The following DIS3L2 variants were observed in gnomAD, a reference collection of about 807,000 sequenced individuals.
DIS3L2 encodes the protein DIS3 like 3'-5' exoribonuclease 2, also known as DIS3-like exonuclease 2.
DIS3L2 carries 34 observed loss-of-function variants against 97.5 expected under a neutral mutation model. The observed-to-expected ratio is 0.35, with a 90% CI of 0.27 to 0.46. The LOEUF (loss-of-function observed/expected upper bound fraction) is 0.46, where lower values mean the gene tolerates loss of function less well. Among genes scored for constraint, DIS3L2 ranks in the 20% least tolerant of loss-of-function variants. The pLI is 1.00. For missense variants in DIS3L2, 1,038 were observed against 1,146.0 expected, an observed-to-expected ratio of 0.91 and a Z score of 1.36; for synonymous variants, 435 against 445.2, an observed-to-expected ratio of 0.98 and a Z score of 0.29.
intron 5 of DIS3L2, among the ~76,000 whole-genome samples, chr2:232,038,888 A>G (rs1559562999): frequency 6.6e-6 from 1 of 152,186 alleles, no homozygotes; most frequent in Non-Finnish European, 1.5e-5. Context: ...GTTTCTCCCT[A>G]GAGGCCTAAT....
chr2:232,138,542 A>T (rs1016655683), intron 8 of DIS3L2, among the ~76,000 whole-genome samples: 2 of 152,092 alleles, frequency 1.3e-5, no homozygotes, highest in Non-Finnish European at 2.9e-5. Flanking sequence ...CGTCTGTTGT[A>T]TGAGGGGTGA....
intron 6 of DIS3L2, among the ~76,000 whole-genome samples, chr2:232,091,015 C>T (rs1385271682): frequency 6.6e-6 from 1 of 152,146 alleles, no homozygotes; most frequent in African/African-American, 2.4e-5. Context: ...TCTGCATTAT[C>T]CCCAGCCCCT....
chr2:232,208,300 T>G (rs1213014187), intron 9 of DIS3L2, among the ~76,000 whole-genome samples: 1 of 151,442 alleles, frequency 6.6e-6, no homozygotes, highest in East Asian at 1.9e-4. Context: ...TCCCCTCTCC[T>G]CCCCCCACCC....
intron 6 of DIS3L2, among the ~76,000 whole-genome samples, chr2:232,121,620 T>C (rs1281034153): frequency 6.6e-6 from 1 of 152,192 alleles, no homozygotes; most frequent in Non-Finnish European, 1.5e-5. Flanking sequence ...CAATCTATAG[T>C]GGTGGCTCAC....
intron 3 of DIS3L2, among the ~76,000 whole-genome samples, chr2:232,021,042 C>G (rs1694496785): frequency 6.6e-6 from 1 of 152,082 alleles, no homozygotes; most frequent in Admixed American, 6.6e-5. Context: ...TTTAAGGACT[C>G]TCAAACAAGC....
chr2:232,133,984 T>C, intron 7 of DIS3L2, among the ~76,000 whole-genome samples: 1 of 4,830 alleles, frequency 2.1e-4, no homozygotes, highest in Non-Finnish European at 3.3e-4. Flanking sequence ...CAAGACTCTG[T>C]CTCAAAAAAA....
chr2:232,186,278 A>C (rs545568919), intron 9 of DIS3L2, among the ~76,000 whole-genome samples: 24 of 152,328 alleles, frequency 1.6e-4, no homozygotes, highest in African/African-American at 5.8e-4. Context: ...GAACATACAA[A>C]TGGTTTTTCA....
intron 5 of DIS3L2, among the ~76,000 whole-genome samples, chr2:232,085,276 T>C (rs1696539533): frequency 6.6e-6 from 1 of 152,194 alleles, no homozygotes; most frequent in Non-Finnish European, 1.5e-5. Context: ...ATTGCGCTTC[T>C]CACTAGTCGA....
Position 232,207,929 on chromosome 2 carries a change from T to C in DIS3L2, c.1125-2397T>C, listed in dbSNP as rs562137725. On this transcript the variant is annotated intron_variant, in intron 9 of 20. Coordinates refer to ENST00000325385, the MANE Select transcript of DIS3L2 (RefSeq NM_152383.5). ...ATTTTTTCCATTTACAAAAGTAATA[T>C]TCAATTGCAGTGAAAAATTTTAAAA... 7.2e-5 allele frequency among the ~76,000 whole-genome samples: 11 copies of C among 152,328 alleles called. No homozygotes were observed. In the South Asian group the frequency reaches 2.3e-3, roughly 32 times the overall value.
At chr2:232,221,923 TC>T (rs142325321) in intron 10 of DIS3L2, among the ~76,000 whole-genome samples, 10,696 of 152,186 alleles carry the variant, frequency 0.07, 461 homozygotes, top group Middle Eastern at 0.16. Context: ...ATGTTCCTCT[TC>T]CATGCGAAGT....
intron 9 of DIS3L2, among the ~76,000 whole-genome samples, chr2:232,191,976 G>C (rs371590054): frequency 6.6e-6 from 1 of 152,068 alleles, no homozygotes; most frequent in Non-Finnish European, 1.5e-5. Context: ...GGCACTCACC[G>C]AACATCCCTC....
Position 232,336,642 on chromosome 2 carries a change from C to A in DIS3L2, c.*12C>A. ...CAAGCACCAGCTGAGCTCCACCAGCCGCCTGCCCCGCCTGCCCCGCCTGCC... is the reference window on the plus strand; with the variant it reads ...CAAGCACCAGCTGAGCTCCACCAGCAGCCTGCCCCGCCTGCCCCGCCTGCC... On this transcript the variant is annotated 3_prime_UTR_variant, in exon 21 of 21. Coordinates refer to ENST00000325385, the MANE Select transcript of DIS3L2 (RefSeq NM_152383.5). 1 of 1,495,334 alleles carries A rather than the reference C, an allele frequency of 6.7e-7. No homozygotes were observed. The highest frequency in any genetic ancestry group is 1.3e-5 in the South Asian group (1 of 78,754). The allele number at this position is 1,495,334 out of a possible 1,614,324, so 92.6% of individuals were successfully genotyped here. A position where few individuals can be genotyped will look rare whatever the true frequency, so the allele number is the denominator to read the frequency against.
At chr2:232,176,326 A>G (rs549226623) in intron 9 of DIS3L2, among the ~76,000 whole-genome samples, 1 of 152,204 alleles carries the variant, frequency 6.6e-6, no homozygotes, top group Admixed American at 6.5e-5. Flanking sequence ...TTAGTTTAGT[A>G]ATTTGAATCT....
At position 232,276,645 on chromosome 2, in the gene DIS3L2, CTGTT is replaced by C. The variant is rs1053423087; in HGVS notation, c.1659+13207_1659+13210del. Among the ~76,000 whole-genome samples, 41 of 152,200 alleles carry C rather than the reference CTGTT, an allele frequency of 2.7e-4. No individual in the cohort carries two copies. Among genetic ancestry groups the C allele is most frequent in the African/African-American group, 9.4e-4 (39 of 41,450 alleles). ...GTTGCTACCAGCTTCCAGTCAATGA[CTGTT>C]TATTTGAACATCTCCTGCGCAACAA... On this transcript the variant is annotated intron_variant, in intron 13 of 20. Transcript: ENST00000325385. The surrounding 1 kb of genome is among the most constrained non-coding windows in gnomAD (Gnocchi z 4.4).
chr2:232,042,773 G>A (rs543616006), intron 5 of DIS3L2, among the ~76,000 whole-genome samples: 1 of 152,130 alleles, frequency 6.6e-6, no homozygotes, highest in Non-Finnish European at 1.5e-5. Context: ...AATATTTCAG[G>A]GTTATTTTCT....
chr2:232,063,723 G>A (rs1482060842), intron 5 of DIS3L2, among the ~76,000 whole-genome samples: 1 of 151,960 alleles, frequency 6.6e-6, no homozygotes, highest in African/African-American at 2.4e-5. Context: ...GATTGCTTCT[G>A]CTTGAAGATA....
chr2:232,299,919 C>T lies in DIS3L2; in HGVS notation c.1660-121C>T. ...TTCCCAGAGTGGGCAGGCCCAGGTT[C>T]TCCACAACACATTGACTTGAGGGAG... On this transcript the variant is annotated intron_variant, in intron 13 of 20. Coordinates refer to ENST00000325385, the MANE Select transcript of DIS3L2 (RefSeq NM_152383.5). 3.1e-6 allele frequency: 3 copies of T among 973,484 alleles called. No homozygotes were observed. In the South Asian group the frequency reaches 4.6e-5, roughly 15 times the overall value. 60.3% of individuals were successfully genotyped at this position (973,484 alleles called of 1,614,324 possible).
chr2:232,099,910 T>C (rs988626007), intron 6 of DIS3L2, among the ~76,000 whole-genome samples: 6 of 152,232 alleles, frequency 3.9e-5, no homozygotes, highest in African/African-American at 1.2e-4. Flanking sequence ...TCTGTACTTT[T>C]GTATTCCTTT....
At chr2:232,120,947 T>C (rs191117262) in intron 6 of DIS3L2, among the ~76,000 whole-genome samples, 1 of 152,264 alleles carries the variant, frequency 6.6e-6, no homozygotes, top group Non-Finnish European at 1.5e-5. Context: ...CCACACCTTC[T>C]TTACTGGTTC....
Sources: allele counts gnomAD v4.1 joint callset (sites outside exome capture counted in the v4.1 genomes callset), GRCh38; gene constraint gnomAD v4.1.1; non-coding constraint Gnocchi (gnomAD v3.1); transcripts MANE v1.5; gene names NCBI Gene and HGNC (gene_info 2026-07-23, HGNC 2026-07-21).